The following RERG variants were observed in gnomAD, a reference collection of about 807,000 sequenced individuals.
RERG encodes the protein ras-related and estrogen-regulated growth inhibitor.
A neutral mutation model predicts 23.2 loss-of-function variants in RERG; 25 were observed. That is an observed-to-expected ratio of 1.08 (90% CI 0.79 to 1.50). The LOEUF (loss-of-function observed/expected upper bound fraction) is 1.50. Ranked by LOEUF, RERG falls within the 40% of genes most tolerant of loss-of-function variation. The pLI is 0.00. For synonymous variants in RERG, 81 were observed against 89.1 expected (o/e 0.91, Z 0.51); for missense variants, 253 against 250.1 (o/e 1.01, Z -0.08).
Position 15,109,446 on chromosome 12 carries a change from G to A in RERG, c.264C>T (p.Asp88=), listed in dbSNP as rs1432831160. 1.9e-6 allele frequency: 3 copies of A among 1,613,714 alleles called. No individual in the cohort carries two copies. The highest frequency in any genetic ancestry group is 2.2e-5 in the East Asian group (1 of 44,878). The change falls in exon 5 of 5, where the codon GAC becomes GAT. Residue 88 remains aspartate, a synonymous_variant. Transcript: ENST00000256953. ...GCAGCACTTCCTCAAAACTTCCTCG[G>A]TCAGTAATGTCGTAGACCAGCACAA... ...EGFVLVYDIT[D]RGSFEEVLPL... is the part of the protein sequence containing the mutation.
At chr12:15,139,421 A>G (rs989564909) in intron 2 of RERG, among the ~76,000 whole-genome samples, 1 of 152,158 alleles carries the variant, frequency 6.6e-6, no homozygotes, top group African/African-American at 2.4e-5. Context: ...AAGAACAGGC[A>G]TCTTAACAAT....
chr12:15,114,064 C>G (rs1863673411), intron 3 of RERG, among the ~76,000 whole-genome samples: 2 of 151,684 alleles, frequency 1.3e-5, no homozygotes. Flanking sequence ...TGGATTAGAA[C>G]CAATAAGAAA....
chr12:15,144,229 T>C (rs1864291030), intron 2 of RERG, among the ~76,000 whole-genome samples: 1 of 152,210 alleles, frequency 6.6e-6, no homozygotes, highest in African/African-American at 2.4e-5. Flanking sequence ...TTGTGCAAGA[T>C]AACTTGGTAA....
At chr12:15,145,852 A>G (rs1864323191) in intron 2 of RERG, among the ~76,000 whole-genome samples, 1 of 152,252 alleles carries the variant, frequency 6.6e-6, no homozygotes, top group Non-Finnish European at 1.5e-5. Flanking sequence ...TCATATCAGA[A>G]CACAGAATAA....
At chr12:15,126,127 C>CAATATATATATATATATATA (rs1175601997) in intron 2 of RERG, among the ~76,000 whole-genome samples, 1 of 34,546 alleles carries the variant, frequency 2.9e-5, no homozygotes, top group Admixed American at 3.6e-4. Flanking sequence ...GTTGTATATA[C>CAATATATATATATATATATA]CATATATATA....
At chr12:15,168,608 G>C (rs191038645) in intron 2 of RERG, among the ~76,000 whole-genome samples, 1 of 152,270 alleles carries the variant, frequency 6.6e-6, no homozygotes, top group East Asian at 1.9e-4. Flanking sequence ...TTGTTAGTTT[G>C]CCCTGGACTG....
At chr12:15,113,416 GAC>G (rs1565505187) in intron 3 of RERG, among the ~76,000 whole-genome samples, 1 of 151,962 alleles carries the variant, frequency 6.6e-6, no homozygotes, top group Non-Finnish European at 1.5e-5. Flanking sequence ...AATTAAGAGA[GAC>G]AATGCAATTA....
intron 2 of RERG, among the ~76,000 whole-genome samples, chr12:15,128,135 T>C (rs1027384071): frequency 6.6e-6 from 1 of 152,194 alleles, no homozygotes; most frequent in African/African-American, 2.4e-5. Flanking sequence ...GTACATCTTA[T>C]GGAGAAGCAT....
At chr12:15,176,836 G>A (rs1381126719) in intron 2 of RERG, among the ~76,000 whole-genome samples, 6 of 152,076 alleles carry the variant, frequency 3.9e-5, no homozygotes, top group African/African-American at 1.2e-4. Flanking sequence ...TGTGAAATGC[G>A]TTATTTTCAA....
Position 15,109,532 on chromosome 12 carries a change from A to G in RERG, c.193-15T>C. 2 of 1,563,608 alleles carry G rather than the reference A, an allele frequency of 1.3e-6. No individual in the cohort carries two copies. Among genetic ancestry groups the G allele is most frequent in the Non-Finnish European group, 1.7e-6 (2 of 1,152,222 alleles). On this transcript the variant is annotated splice_polypyrimidine_tract_variant and intron_variant, in intron 4 of 4. Coordinates refer to ENST00000256953, the MANE Select transcript of RERG (RefSeq NM_032918.3). ...ATGGTATCTTCCTGTTGGCAAAGAA[A>G]AATGGCCGTCAAGAGACCTGGAAAT...
At chr12:15,129,990 T>C (rs571094483) in intron 2 of RERG, among the ~76,000 whole-genome samples, 1 of 152,280 alleles carries the variant, frequency 6.6e-6, no homozygotes, top group East Asian at 1.9e-4. Flanking sequence ...TCTTTGAGAA[T>C]ATAATGGGGA....
chr12:15,201,589 A>G (rs905705807), intron 2 of RERG, among the ~76,000 whole-genome samples: 4 of 148,916 alleles, frequency 2.7e-5, no homozygotes, highest in South Asian at 4.2e-4. Flanking sequence ...AATATTAATT[A>G]TTAGTAATTA....
In RERG at chr12:15,168,686, A is replaced by G. The variant is rs140665186; in HGVS notation, c.62-47567T>C. 2.6e-5 allele frequency among the ~76,000 whole-genome samples: 4 copies of G among 152,120 alleles called. No individual in the cohort carries two copies. In the South Asian group the frequency reaches 8.3e-4, roughly 31 times the overall value. On this transcript the variant is annotated intron_variant, in intron 2 of 4. Transcript: ENST00000256953. ...AATGTGTGCTGCTGGTTCCTACTTG[A>G]AGACTGATGAGAAATGATGACAGCC...
intron 2 of RERG, among the ~76,000 whole-genome samples, chr12:15,153,165 T>C (rs1312445952): frequency 6.6e-6 from 1 of 152,234 alleles, no homozygotes; most frequent in African/African-American, 2.4e-5. Context: ...TCTGGGTCAG[T>C]GTTTTTCCAG....
intron 2 of RERG, among the ~76,000 whole-genome samples, chr12:15,135,608 C>T (rs999250509): frequency 6.6e-6 from 1 of 152,106 alleles, no homozygotes; most frequent in Non-Finnish European, 1.5e-5. Context: ...AAGTTTTTAT[C>T]ACCCATTAGG....
chr12:15,162,941 C>T (rs1864635155), intron 2 of RERG, among the ~76,000 whole-genome samples: 1 of 152,114 alleles, frequency 6.6e-6, no homozygotes, highest in Non-Finnish European at 1.5e-5. Context: ...TCCATTCTTC[C>T]TATTAGCAAT....
rs543291908 is a variant in RERG at position 15,171,833 on chromosome 12, T to C, written c.61+45596A>G. Among the ~76,000 whole-genome samples the C allele has an allele frequency of 2.0e-5, 3 of 152,292 alleles. No individual in the cohort carries two copies. In the South Asian group the frequency reaches 6.2e-4, roughly 32 times the overall value. On this transcript the variant is annotated intron_variant, in intron 2 of 4. Transcript: ENST00000256953. Reference sequence around the variant, plus strand: ...AAAATAATAGAGGTTATTGGTTAAATATATTAATAACGAGAATCATACTAA... The same window carrying C: ...AAAATAATAGAGGTTATTGGTTAAACATATTAATAACGAGAATCATACTAA...
At chr12:15,130,001 A>G (rs1864016782) in intron 2 of RERG, among the ~76,000 whole-genome samples, 1 of 152,186 alleles carries the variant, frequency 6.6e-6, no homozygotes, top group South Asian at 2.1e-4. Context: ...ATAATGGGGA[A>G]TATAATGGGA....
At chr12:15,201,136 C>CT (rs1190914147) in intron 2 of RERG, among the ~76,000 whole-genome samples, 1 of 151,852 alleles carries the variant, frequency 6.6e-6, no homozygotes, top group Non-Finnish European at 1.5e-5. Flanking sequence ...TGGTTCCTCA[C>CT]TTTTTTTCTA....
Sources: gnomAD v4.1 joint callset for allele counts (sites outside exome capture counted in the v4.1 genomes callset) on GRCh38, gnomAD v4.1.1 for gene constraint, MANE v1.5 for transcripts, NCBI Gene and HGNC (gene_info 2026-07-23, HGNC 2026-07-21) for gene names.